The following CLRN1 variants were observed in gnomAD, a reference collection of about 807,000 sequenced individuals.
CLRN1 encodes clarin-1.
CLRN1 carries 15 observed loss-of-function variants against 18.7 expected under a neutral mutation model. The observed-to-expected ratio is 0.80, with a 90% CI of 0.54 to 1.23. The LOEUF is 1.23. Ranked by LOEUF, CLRN1 falls within the 50% of genes most tolerant of loss-of-function variation. The pLI, the probability that CLRN1 is intolerant of heterozygous loss-of-function variation, is 0.00. For missense variants in CLRN1, 311 were observed against 277.5 expected, an observed-to-expected ratio of 1.12 and a Z score of -0.86; for synonymous variants, 104 against 102.9, an observed-to-expected ratio of 1.01 and a Z score of -0.07.
intron 2 of CLRN1, among the ~76,000 whole-genome samples, chr3:150,935,131 T>TTTTTA (rs887020752): frequency 3.1e-4 from 22 of 71,462 alleles, no homozygotes; most frequent in Admixed American, 5.8e-4. Context: ...AATTTTTGTT[T>TTTTTA]TTTTATTTTA....
intron 2 of CLRN1, chr3:150,940,641 C>A: frequency 1.1e-6 from 1 of 941,940 alleles, no homozygotes; most frequent in South Asian, 1.8e-5. Flanking sequence ...TCCCAGGAAT[C>A]TGACAAAGTG....
intron 2 of CLRN1, among the ~76,000 whole-genome samples, chr3:150,937,041 T>C (rs1470658156): frequency 6.6e-6 from 1 of 152,198 alleles, no homozygotes; most frequent in African/African-American, 2.4e-5. Flanking sequence ...ATTGTAATTA[T>C]TGCAAACTGT....
At chr3:150,957,926 G>A (rs1007416383) in intron 1 of CLRN1, among the ~76,000 whole-genome samples, 1 of 152,134 alleles carries the variant, frequency 6.6e-6, no homozygotes, top group Non-Finnish European at 1.5e-5. Flanking sequence ...CTCCCAAAGT[G>A]CTGGGATTAC....
chr3:150,970,435 T>C (rs1715475568), intron 1 of CLRN1, among the ~76,000 whole-genome samples: 1 of 152,106 alleles, frequency 6.6e-6, no homozygotes, highest in Non-Finnish European at 1.5e-5. Flanking sequence ...ATTATCCTCT[T>C]TGGGGAGTCC....
rs368175674 is a variant in CLRN1, at chr3:150,941,615, G to C, written c.400C>G (p.Pro134Ala). Residue 134 changes from proline (P) to alanine (A), a missense_variant, in exon 2 of 3, where the codon CCC becomes GCC. Pro to Ala is a conservative substitution (Grantham distance 27). Coordinates refer to ENST00000327047, the MANE Select transcript of CLRN1 (RefSeq NM_174878.3). ...AAGCTCAAAAGGTACAGCCCTAGGG[G>C]ACCATGCAGAGTTTCAAAAGGTTTT... ...FGKPFETLHG[P>A]LGLYLLSFIS... 3 of 1,614,004 alleles carry C rather than the reference G, an allele frequency of 1.9e-6. No homozygotes were observed. Among genetic ancestry groups the C allele is most frequent in the South Asian group, 2.2e-5 (2 of 91,068 alleles).
intron 1 of CLRN1, among the ~76,000 whole-genome samples, chr3:150,952,478 A>G (rs555860009): frequency 6.6e-6 from 1 of 152,286 alleles, no homozygotes; most frequent in Admixed American, 6.5e-5. Context: ...CGGTGTATTA[A>G]AAGCATTTTC....
rs762548382 is a variant in CLRN1 at position 150,926,912 on chromosome 3, A to T, written c.*1024T>A. ...GATGGGTAATTCAGGGGAAAAAAAA[A>T]GTTGACCTGGGTCATGCTTGGTGAC... On this transcript the variant is annotated 3_prime_UTR_variant, in exon 3 of 3. Coordinates refer to ENST00000327047, the MANE Select transcript of CLRN1 (RefSeq NM_174878.3). 46 of 1,614,002 alleles carry T rather than the reference A, an allele frequency of 2.9e-5. No individual in the cohort carries two copies. In the East Asian group the frequency reaches 9.4e-4, roughly 33 times the overall value.
At chr3:150,928,292 T>A in intron 2 of CLRN1, 91 bp from the exon 3 acceptor site, 1 of 1,460,588 alleles carries the variant, frequency 6.8e-7, no homozygotes, top group Non-Finnish European at 9.4e-7. Context: ...GGAATTCTCT[T>A]ACCATCATCC....
At chr3:150,972,208 A>C (rs1715571230) in intron 1 of CLRN1, among the ~76,000 whole-genome samples, 1 of 152,300 alleles carries the variant, frequency 6.6e-6, no homozygotes, top group Non-Finnish European at 1.5e-5. Context: ...TAAGCATCTT[A>C]ATTGCCAATA....
intron 1 of CLRN1, among the ~76,000 whole-genome samples, chr3:150,962,236 C>A (rs1397857433): frequency 6.6e-6 from 1 of 152,010 alleles, no homozygotes; most frequent in Admixed American, 6.5e-5. Context: ...GAAATATGAA[C>A]CCTGCATAAA....
chr3:150,960,471 T>C (rs1714970821), intron 1 of CLRN1, among the ~76,000 whole-genome samples: 1 of 152,212 alleles, frequency 6.6e-6, no homozygotes, highest in Non-Finnish European at 1.5e-5. Context: ...ACTTTCTATC[T>C]TGCAGCTCAG....
At chr3:150,937,071 T>A (rs1713534218) in intron 2 of CLRN1, among the ~76,000 whole-genome samples, 1 of 152,234 alleles carries the variant, frequency 6.6e-6, no homozygotes. Flanking sequence ...ATTATTTATG[T>A]ACACTTTTGA....
chr3:150,929,625 A>G (rs9289827), intron 2 of CLRN1, among the ~76,000 whole-genome samples: 90,422 of 151,854 alleles, frequency 0.6, 28,708 homozygotes, highest in Non-Finnish European at 0.7. Flanking sequence ...ATTGACACAT[A>G]TAAATGCTTA....
At chr3:150,951,023 T>C (rs1012916615) in intron 1 of CLRN1, among the ~76,000 whole-genome samples, 3 of 152,180 alleles carry the variant, frequency 2.0e-5, no homozygotes, top group African/African-American at 4.8e-5. Flanking sequence ...GCTATCATCC[T>C]TAGCAAACTA....
intron 1 of CLRN1, among the ~76,000 whole-genome samples, chr3:150,958,250 C>T (rs768781277): frequency 1.4e-4 from 22 of 152,226 alleles, no homozygotes; most frequent in Admixed American, 7.2e-4. Context: ...GGTTCATCTT[C>T]TGTCATCAAG....
At chr3:150,938,669 C>T (rs1713628516) in intron 2 of CLRN1, among the ~76,000 whole-genome samples, 1 of 152,062 alleles carries the variant, frequency 6.6e-6, no homozygotes, top group Non-Finnish European at 1.5e-5. Flanking sequence ...GATCTAAAAA[C>T]ACTGGCCTTT....
At chr3:150,952,531 A>G (rs1341279112) in intron 1 of CLRN1, among the ~76,000 whole-genome samples, 1 of 152,234 alleles carries the variant, frequency 6.6e-6, no homozygotes, top group African/African-American at 2.4e-5. Context: ...ATCGGGAAGT[A>G]ACATCATCAT....
Position 150,926,981 on chromosome 3 carries a change from C to T in CLRN1, c.*955G>A. 6.4e-7 allele frequency: 1 copy of T among 1,571,794 alleles called. No individual in the cohort carries two copies. Among genetic ancestry groups the T allele is most frequent in the African/African-American group, 1.3e-5 (1 of 74,192 alleles). ...ATGATACAGTGATACCGTCATAATCCCAGATTTAATATAATTTTCATAATT... is the reference window on the plus strand; with the variant it reads ...ATGATACAGTGATACCGTCATAATCTCAGATTTAATATAATTTTCATAATT... On this transcript the variant is annotated 3_prime_UTR_variant, in exon 3 of 3. Coordinates refer to ENST00000327047, the MANE Select transcript of CLRN1 (RefSeq NM_174878.3).
chr3:150,933,423 C>T (rs1250707936), intron 2 of CLRN1, among the ~76,000 whole-genome samples: 10 of 151,982 alleles, frequency 6.6e-5, no homozygotes, highest in African/African-American at 2.2e-4. Flanking sequence ...GGGAATATAA[C>T]ATTTAAGTGT....
Sources: gnomAD v4.1 joint callset for allele counts (sites outside exome capture counted in the v4.1 genomes callset) on GRCh38, gnomAD v4.1.1 for gene constraint, MANE v1.5 for transcripts, NCBI Gene and HGNC (gene_info 2026-07-23, HGNC 2026-07-21) for gene names.